Variants in DYNC1I1 observed in about 807,000 individuals in gnomAD.
The protein encoded by DYNC1I1 is cytoplasmic dynein 1 intermediate chain 1.
In DYNC1I1, 43 loss-of-function variants were observed where a neutral mutation model predicts 86.6. The ratio of observed to expected loss-of-function variants is 0.50; its 90% CI spans 0.39 to 0.64. The LOEUF (loss-of-function observed/expected upper bound fraction) is 0.64, where lower values mean the gene tolerates loss of function less well. Among genes scored for constraint, DYNC1I1 ranks in the 30% least tolerant of loss-of-function variants. The pLI is 0.00. For missense variants in DYNC1I1, 604 were observed against 788.8 expected (o/e 0.77, Z 2.81); for synonymous variants, 262 against 283.7 (o/e 0.92, Z 0.77).
chr7:96,082,976 A>G (rs2299286), intron 16 of DYNC1I1, among the ~76,000 whole-genome samples: 7,757 of 152,218 alleles, frequency 0.051, 308 homozygotes, highest in East Asian at 0.23. Context: ...AATGTCTGCA[A>G]CTATAGGCCA....
intron 5 of DYNC1I1, among the ~76,000 whole-genome samples, chr7:95,833,110 G>GT (rs1215143567): frequency 4.7e-5 from 7 of 148,820 alleles, no homozygotes; most frequent in African/African-American, 1.5e-4. Flanking sequence ...TAGGTCTAAT[G>GT]TTTAAGTCTT....
rs533168607 is a variant in DYNC1I1, at chr7:96,070,207, T to C, written c.1510-5850T>C. 5.3e-5 allele frequency among the ~76,000 whole-genome samples: 8 copies of C among 152,308 alleles called. No homozygotes were observed. In the South Asian group the frequency reaches 1.7e-3, roughly 32 times the overall value. Reference sequence around the variant, plus strand: ...AAAGTTTCCCAGTGATAGTACCAAATTCATAACACCTCCCTTGGGCCAAGA... The same window carrying C: ...AAAGTTTCCCAGTGATAGTACCAAACTCATAACACCTCCCTTGGGCCAAGA... On this transcript the variant is annotated intron_variant, in intron 14 of 16. Coordinates refer to ENST00000447467, the MANE Select transcript of DYNC1I1 (RefSeq NM_001135556.2).
chr7:95,950,468 A>G lies in DYNC1I1; in HGVS notation c.491-27044A>G, dbSNP rs377739037. On this transcript the variant is annotated intron_variant, in intron 6 of 16. Transcript: ENST00000447467. ...AAATGGGCTTTAGTGTGGGATCATC[A>G]ATGAAAAATGTGTATTAATTATAAT... 9.3e-4 allele frequency among the ~76,000 whole-genome samples: 141 copies of G among 152,292 alleles called. 2 individuals are homozygous for G. In the South Asian group the frequency reaches 0.029, roughly 31 times the overall value.
chr7:95,774,686 A>T (rs537198977), intron 1 of DYNC1I1, among the ~76,000 whole-genome samples: 1 of 151,936 alleles, frequency 6.6e-6, no homozygotes, highest in East Asian at 1.9e-4. Flanking sequence ...TTCCAAAAAT[A>T]CTCCTTCCCG....
chr7:95,923,768 G>C (rs554411028), intron 6 of DYNC1I1, among the ~76,000 whole-genome samples: 69 of 152,168 alleles, frequency 4.5e-4, no homozygotes, highest in African/African-American at 1.6e-3. Flanking sequence ...TAAACAAGAT[G>C]CACCCATTCA....
intron 14 of DYNC1I1, among the ~76,000 whole-genome samples, chr7:96,048,379 GA>G (rs1387797965): frequency 1.3e-5 from 2 of 152,134 alleles, no homozygotes; most frequent in African/African-American, 4.8e-5. Flanking sequence ...AGGTTTGGGA[GA>G]TGCACCACTT....
chr7:96,091,331 A>G lies in DYNC1I1; in HGVS notation c.1777-6152A>G, dbSNP rs561257331. Among the ~76,000 whole-genome samples the G allele has an allele frequency of 3.2e-4, 49 of 152,326 alleles. 1 individual carries two copies. Among genetic ancestry groups the G allele is most frequent in the Non-Finnish European group, 6.6e-4 (45 of 68,024 alleles). On this transcript the variant is annotated intron_variant, in intron 16 of 16. Coordinates refer to ENST00000447467, the MANE Select transcript of DYNC1I1 (RefSeq NM_001135556.2). ...AATTTTTAGATTAATACAGAGATGA[A>G]TTGTCGTGTATCTCTTGGAAATCAA...
chr7:96,107,036 T>A (rs1347926019), intron 16 of DYNC1I1, among the ~76,000 whole-genome samples: 1 of 151,744 alleles, frequency 6.6e-6, no homozygotes, highest in Non-Finnish European at 1.5e-5. Context: ...ATTCATACTT[T>A]TTTTTTTTTT....
intron 6 of DYNC1I1, among the ~76,000 whole-genome samples, chr7:95,884,847 G>A (rs1403564980): frequency 6.6e-6 from 1 of 151,262 alleles, no homozygotes; most frequent in Non-Finnish European, 1.5e-5. Context: ...TACATACACA[G>A]CAGTATTCTC....
chr7:95,898,432 C>A (rs1282749322), intron 6 of DYNC1I1, among the ~76,000 whole-genome samples: 3 of 152,172 alleles, frequency 2.0e-5, no homozygotes, highest in Admixed American at 6.5e-5. Context: ...ATTTCTCCAT[C>A]CCTTCTGTTC....
intron 10 of DYNC1I1, among the ~76,000 whole-genome samples, chr7:96,011,186 C>T (rs1794267481): frequency 6.6e-6 from 1 of 152,148 alleles, no homozygotes; most frequent in Non-Finnish European, 1.5e-5. Context: ...CAAGGGGTGA[C>T]ATTTCTTGAC....
intron 5 of DYNC1I1, among the ~76,000 whole-genome samples, chr7:95,862,950 A>AT (rs1789926455): frequency 2.0e-5 from 3 of 152,184 alleles, no homozygotes; most frequent in African/African-American, 7.2e-5. Flanking sequence ...GTTATACTGT[A>AT]TTTTTAAAAA....
At chr7:96,034,771 G>A (rs1173719276) in intron 12 of DYNC1I1, among the ~76,000 whole-genome samples, 1 of 152,048 alleles carries the variant, frequency 6.6e-6, no homozygotes, top group Non-Finnish European at 1.5e-5. Context: ...TCAATTTAAT[G>A]GACTCCTTGG....
At chr7:96,064,155 A>G (rs1437535862) in intron 14 of DYNC1I1, among the ~76,000 whole-genome samples, 1 of 151,020 alleles carries the variant, frequency 6.6e-6, no homozygotes, top group Non-Finnish European at 1.5e-5. Flanking sequence ...TCTAAGCATC[A>G]TTGTTCTTCT....
At chr7:96,068,377 A>G (rs1288619713) in intron 14 of DYNC1I1, among the ~76,000 whole-genome samples, 1 of 152,220 alleles carries the variant, frequency 6.6e-6, no homozygotes, top group Non-Finnish European at 1.5e-5. Flanking sequence ...TAATATCTGT[A>G]CTCATATTAA....
rs764911432 is a variant in DYNC1I1, at chr7:96,097,541, G to A, written c.1835G>A (p.Arg612His). ...TRFARTLVEI[R>H]ANRADSEEEG... Reference sequence around the variant, plus strand: ...TTTGCCAGGACCCTTGTGGAAATTCGTGCTAACAGAGCTGATAGCGAGGAG... The same window carrying A: ...TTTGCCAGGACCCTTGTGGAAATTCATGCTAACAGAGCTGATAGCGAGGAG... The change falls in exon 17 of 17, where the codon CGT becomes CAT. Residue 612 changes from arginine (R) to histidine (H), a missense_variant. By Grantham distance (29) the Arg-to-His change is conservative (BLOSUM62 0). Coordinates refer to ENST00000447467, the MANE Select transcript of DYNC1I1 (RefSeq NM_001135556.2). 6 of 1,613,748 alleles carry A rather than the reference G, an allele frequency of 3.7e-6. No homozygotes were observed. Among genetic ancestry groups the A allele is most frequent in the South Asian group, 2.2e-5 (2 of 91,064 alleles).
intron 10 of DYNC1I1, among the ~76,000 whole-genome samples, chr7:96,012,492 A>G (rs1049169276): frequency 6.6e-6 from 1 of 152,204 alleles, no homozygotes; most frequent in Non-Finnish European, 1.5e-5. Context: ...AATTCAAATT[A>G]ACCTTTTTAG....
intron 5 of DYNC1I1, among the ~76,000 whole-genome samples, chr7:95,844,388 T>G (rs1789371256): frequency 6.6e-6 from 1 of 152,212 alleles, no homozygotes; most frequent in African/African-American, 2.4e-5. Context: ...TTTTCAATGT[T>G]TGAGAGACAC....
intron 10 of DYNC1I1, among the ~76,000 whole-genome samples, chr7:96,020,452 G>A (rs7800293): frequency 0.31 from 47,006 of 151,816 alleles, 7,567 homozygotes; most frequent in African/African-American, 0.38. Flanking sequence ...AGACCCACCC[G>A]CCAGCGCAAG....
Sources: allele counts gnomAD v4.1 joint callset (sites outside exome capture counted in the v4.1 genomes callset), GRCh38; gene constraint gnomAD v4.1.1; transcripts MANE v1.5; gene names NCBI Gene and HGNC (gene_info 2026-07-23, HGNC 2026-07-21).